CFAP276: variants seen among roughly 807,000 people sequenced by gnomAD.
The protein encoded by CFAP276 is cilia- and flagella-associated protein 276.
At chr1:109,109,837 G>C in the CFAP276 span, among the ~76,000 whole-genome samples, 4 of 152,078 alleles carry the variant, frequency 2.6e-5, no homozygotes, top group Non-Finnish European at 5.9e-5. Context: ...GTGCCCCGCT[G>C]TGAGTCATAC....
At chr1:109,108,525 A>T in the CFAP276 span, among the ~76,000 whole-genome samples, 10 of 152,198 alleles carry the variant, frequency 6.6e-5, no homozygotes, top group African/African-American at 2.4e-4. Context: ...TGATCCTCCT[A>T]TGTTTTCTTA....
At chr1:109,112,858 C>T in the CFAP276 span, 1 of 1,030,644 alleles carries the variant, frequency 9.7e-7, no homozygotes, top group Non-Finnish European at 1.3e-6. Flanking sequence ...GGCGGCTGAC[C>T]ACGGGAGGCC....
At chr1:109,112,342 A>G in the CFAP276 span, among the ~76,000 whole-genome samples, 1 of 152,238 alleles carries the variant, frequency 6.6e-6, no homozygotes, top group Non-Finnish European at 1.5e-5. Context: ...GCCATAACTT[A>G]TACTCACAAT....
the CFAP276 span, chr1:109,106,673 T>C: frequency 6.2e-7 from 1 of 1,612,508 alleles, no homozygotes; most frequent in African/African-American, 1.3e-5. Flanking sequence ...GAAGAAGGCA[T>C]AGGGAAGAAA....
the CFAP276 span, among the ~76,000 whole-genome samples, chr1:109,109,476 A>G: frequency 3.3e-5 from 5 of 149,466 alleles, no homozygotes; most frequent in Non-Finnish European, 7.4e-5. Flanking sequence ...CATTAGACCT[A>G]TCCAACATTG....
the CFAP276 span, among the ~76,000 whole-genome samples, chr1:109,108,716 G>C: frequency 1.3e-5 from 2 of 152,208 alleles, no homozygotes; most frequent in Non-Finnish European, 2.9e-5. Context: ...GTAACTTGTT[G>C]GAGGAGAGCT....
At chr1:109,109,165 C>G in the CFAP276 span, among the ~76,000 whole-genome samples, 1 of 152,062 alleles carries the variant, frequency 6.6e-6, no homozygotes, top group East Asian at 1.9e-4. Context: ...TATTAGAACT[C>G]TCGCTGGGTG....
chr1:109,107,141 C>T, the CFAP276 span: 25 of 1,601,936 alleles, frequency 1.6e-5, no homozygotes, highest in Middle Eastern at 5.0e-4. Context: ...GTCAGTCCCC[C>T]CCAAGGTTAG....
chr1:109,112,887 G>A, the CFAP276 span: 3 of 723,258 alleles, frequency 4.1e-6, no homozygotes, highest in Admixed American at 6.7e-5. Context: ...GGAAGCTCCG[G>A]GGACTGCAGA....
At chr1:109,107,374 G>A in the CFAP276 span, among the ~76,000 whole-genome samples, 1 of 152,182 alleles carries the variant, frequency 6.6e-6, no homozygotes, top group African/African-American at 2.4e-5. Context: ...TGGGCTTAAT[G>A]AACTTTACCT....
the CFAP276 span, chr1:109,107,964 G>T: frequency 8.5e-5 from 137 of 1,613,556 alleles, no homozygotes; most frequent in Admixed American, 2.2e-3. Flanking sequence ...GGAAGTAATT[G>T]TGGGGGTTGA....
At chr1:109,107,231 G>T in the CFAP276 span, 1 of 789,770 alleles carries the variant, frequency 1.3e-6, no homozygotes, top group Non-Finnish European at 2.2e-6. Context: ...GGCTCTCTTG[G>T]GCCTGAAATC....
the CFAP276 span, among the ~76,000 whole-genome samples, chr1:109,113,416 A>AAGAGAGAGAGAGAGAGAG: frequency 2.2e-4 from 15 of 68,078 alleles, 1 homozygote; most frequent in African/African-American, 8.2e-4. Context: ...GAGAGAGAGA[A>AAGAGAGAGAGAGAGAGAG]AGAGAGAGAG....
the CFAP276 span, chr1:109,107,786 G>A: frequency 2.2e-5 from 15 of 667,516 alleles, no homozygotes; most frequent in South Asian, 2.9e-4. Flanking sequence ...GCAGAGGCAG[G>A]AGGATTGCCT....
At chr1:109,107,505 A>C in the CFAP276 span, among the ~76,000 whole-genome samples, 1 of 152,200 alleles carries the variant, frequency 6.6e-6, no homozygotes, top group Non-Finnish European at 1.5e-5. Context: ...AGGCCAGATA[A>C]ATTGATTTTT....
the CFAP276 span, chr1:109,113,595 G>A: frequency 6.2e-7 from 1 of 1,609,218 alleles, no homozygotes; most frequent in Non-Finnish European, 8.5e-7. Context: ...CGGGATGTAA[G>A]ATCTCCAGGA....
At chr1:109,112,479 C>T in the CFAP276 span, 1 of 1,375,152 alleles carries the variant, frequency 7.3e-7, no homozygotes, top group Non-Finnish European at 9.6e-7. Flanking sequence ...AACAGACTTC[C>T]CTGGTACCCG....
At chr1:109,113,301 G>A in the CFAP276 span, among the ~76,000 whole-genome samples, 1 of 151,882 alleles carries the variant, frequency 6.6e-6, no homozygotes, top group Non-Finnish European at 1.5e-5. Context: ...GCTAATCCAG[G>A]AGAATCTCTT....
chr1:109,111,219 C>A, the CFAP276 span, among the ~76,000 whole-genome samples: 1 of 152,198 alleles, frequency 6.6e-6, no homozygotes, highest in Non-Finnish European at 1.5e-5. Context: ...GTAATCTCAG[C>A]ACTTTGGGAG....
Sources: allele counts gnomAD v4.1 joint callset (sites outside exome capture counted in the v4.1 genomes callset), GRCh38; gene constraint gnomAD v4.1.1; transcripts MANE v1.5; gene names NCBI Gene and HGNC (gene_info 2026-07-23, HGNC 2026-07-21).